SNX1: variants seen among roughly 807,000 people sequenced by gnomAD.
SNX1 encodes sorting nexin 1.
SNX1 carries 36 observed loss-of-function variants against 71.8 expected under a neutral mutation model. The ratio of observed to expected loss-of-function variants is 0.50; its 90% CI spans 0.38 to 0.66. The LOEUF is 0.66. SNX1 is among the 30% of genes least tolerant of loss of function. SNX1 has a pLI of 0.00. For synonymous variants in SNX1, 254 were observed against 240.7 expected (o/e 1.06, Z -0.51); for missense variants, 612 against 646.7 (o/e 0.95, Z 0.58).
intron 1 of SNX1, among the ~76,000 whole-genome samples, chr15:64,110,928 C>T (rs2081071942): frequency 6.6e-6 from 1 of 152,196 alleles, no homozygotes; most frequent in South Asian, 2.1e-4. Context: ...ATGGGTCCTT[C>T]TAGGCATTTT....
In SNX1 at chr15:64,138,896, G is replaced by A. The variant is rs1446899830; in HGVS notation, c.*1278G>A. On this transcript the variant is annotated 3_prime_UTR_variant, in exon 15 of 15. Transcript: ENST00000559844. ...ATCCCAAAGACGCTCCTGCCACTGGGGCCCCAGGTCCTGCTGTATCAGTTC... is the reference window on the plus strand; with the variant it reads ...ATCCCAAAGACGCTCCTGCCACTGGAGCCCCAGGTCCTGCTGTATCAGTTC... 1 of 152,254 alleles carries A rather than the reference G, an allele frequency of 6.6e-6. No individual in the cohort carries two copies. Among genetic ancestry groups the A allele is most frequent in the Non-Finnish European group, 1.5e-5 (1 of 68,106 alleles). 9.4% of individuals were successfully genotyped at this position (152,254 alleles called of 1,614,324 possible).
chr15:64,136,413 G>T lies in SNX1; in HGVS notation c.1446+3G>T. On this transcript the variant is annotated splice_donor_region_variant and intron_variant, in intron 13 of 14. Transcript: ENST00000559844. The stretch of plus-strand genomic sequence containing the variant: ...GAAAAGAAGTGATACGGTTTGAGGT[G>T]AGATAGAAAATCCTACTTCTCACTT... 1 of 1,612,954 alleles carries T rather than the reference G, an allele frequency of 6.2e-7. No homozygotes were observed. Among genetic ancestry groups the T allele is most frequent in the South Asian group, 1.1e-5 (1 of 91,044 alleles).
At chr15:64,111,410 A>T (rs1386621137) in intron 1 of SNX1, 2 of 152,230 alleles carry the variant, frequency 1.3e-5, no homozygotes, top group Non-Finnish European at 2.9e-5. Context: ...TATAAGTCTA[A>T]ATATTGGTAT....
In SNX1 at chr15:64,136,881, C is replaced by T; in HGVS notation, c.1467C>T (p.Phe489=). 1 of 1,613,952 alleles carries T rather than the reference C, an allele frequency of 6.2e-7. No individual in the cohort carries two copies. Residue 489 remains phenylalanine, a synonymous_variant, in exon 14 of 15, where the codon TTC becomes TTT. Transcript: ENST00000559844. ...CCTAGAAAGAGAAATCCAAGGACTT[C>T]AAGAACCACGTGATCAAGTACCTTG... The part of the protein sequence containing the change: ...IRFEKEKSKD[F]KNHVIKYLET...
At chr15:64,123,613 T>G in intron 5 of SNX1, 67 bp downstream of exon 5, 1 of 1,278,218 alleles carries the variant, frequency 7.8e-7, no homozygotes, top group Non-Finnish European at 1.1e-6. Context: ...AGGTCATCAT[T>G]CAGATTATTT....
intron 4 of SNX1, among the ~76,000 whole-genome samples, chr15:64,121,816 A>G (rs1383706402): frequency 6.6e-6 from 1 of 152,194 alleles, no homozygotes; most frequent in African/African-American, 2.4e-5. Context: ...TTTCATATTC[A>G]AGGCCTGATC....
chr15:64,132,677 G>A (rs1471974987), intron 11 of SNX1, among the ~76,000 whole-genome samples: 1 of 152,194 alleles, frequency 6.6e-6, no homozygotes, highest in African/African-American at 2.4e-5. Context: ...GGATCAGGAT[G>A]TGTGAGCCTC....
intron 6 of SNX1, 77 bp downstream of exon 6, chr15:64,126,297 A>G: frequency 2.1e-6 from 3 of 1,410,556 alleles, no homozygotes; most frequent in Non-Finnish European, 2.9e-6. Flanking sequence ...TGTTCAGTAT[A>G]TGAGACTACT....
At chr15:64,117,958 C>T (rs1175442309) in intron 2 of SNX1, among the ~76,000 whole-genome samples, 159 bp from the exon 3 acceptor site, 1 of 152,198 alleles carries the variant, frequency 6.6e-6, no homozygotes, top group Non-Finnish European at 1.5e-5. Flanking sequence ...CCTTACCTTC[C>T]TCCCCTTTTC....
chr15:64,123,423 A>G lies in SNX1; in HGVS notation c.467-80A>G, dbSNP rs577484636. 38 of 1,243,216 alleles carry G rather than the reference A, an allele frequency of 3.1e-5. 1 individual carries two copies. The South Asian group carries it at 3.7e-4, about 12-fold the overall frequency. 77.0% of individuals were successfully genotyped at this position (1,243,216 alleles called of 1,614,324 possible). Reference sequence around the variant, plus strand: ...CTTATCCAGGGTTCCTATGGCTTTTATGATTCCTGGTCAAATGTTAGCTGG... The same window carrying G: ...CTTATCCAGGGTTCCTATGGCTTTTGTGATTCCTGGTCAAATGTTAGCTGG... On this transcript the variant is annotated intron_variant, in intron 4 of 14. Coordinates refer to ENST00000559844, the MANE Select transcript of SNX1 (RefSeq NM_003099.5).
chr15:64,136,561 C>T, intron 13 of SNX1, 151 bp downstream of exon 13: 2 of 704,374 alleles, frequency 2.8e-6, no homozygotes, highest in Non-Finnish European at 2.5e-6. Context: ...GGGGTGTGTG[C>T]TTGATCCTAG....
intron 2 of SNX1, among the ~76,000 whole-genome samples, chr15:64,113,337 GC>G: frequency 6.6e-6 from 1 of 152,126 alleles, no homozygotes; most frequent in East Asian, 1.9e-4. Flanking sequence ...GGGTGCTTTT[GC>G]CCCCCAGAAG....
At chr15:64,131,417 C>T (rs2081305271) in intron 10 of SNX1, among the ~76,000 whole-genome samples, 1 of 152,134 alleles carries the variant, frequency 6.6e-6, no homozygotes, top group Admixed American at 6.5e-5. Flanking sequence ...CTTTGGTTCT[C>T]CAGGGATATT....
At position 64,136,928 on chromosome 15, in the gene SNX1, A is replaced by G; in HGVS notation, c.1514A>G (p.Gln505Arg). 1 of 1,613,560 alleles carries G rather than the reference A, an allele frequency of 6.2e-7. No individual in the cohort carries two copies. Among genetic ancestry groups the G allele is most frequent in the Non-Finnish European group, 8.5e-7 (1 of 1,179,490 alleles). ...KYLETLLYSQ[Q>R]QLAKYWEAFL... ...CTTGAGACACTCCTTTACTCACAGCAGCAGGTATGTAAGTTGTGTGTGACC... is the reference window on the plus strand; with the variant it reads ...CTTGAGACACTCCTTTACTCACAGCGGCAGGTATGTAAGTTGTGTGTGACC... The change falls in exon 14 of 15, where the codon CAG (glutamine) becomes CGG (arginine). Residue 505 changes from glutamine (Q) to arginine (R), a missense_variant. Transcript: ENST00000559844.
intron 1 of SNX1, among the ~76,000 whole-genome samples, chr15:64,103,107 C>G (rs1470996157): frequency 1.3e-5 from 2 of 152,098 alleles, no homozygotes; most frequent in African/African-American, 4.8e-5. Flanking sequence ...TTCATGGACA[C>G]TTAGGTTGAT....
chr15:64,112,987 C>T (rs1179284579), intron 2 of SNX1, among the ~76,000 whole-genome samples: 1 of 152,096 alleles, frequency 6.6e-6, no homozygotes, highest in African/African-American at 2.4e-5. Flanking sequence ...GAGTGTGAGA[C>T]CAGTGACTAA....
chr15:64,100,842 G>A (rs965597107), intron 1 of SNX1, among the ~76,000 whole-genome samples: 1 of 152,186 alleles, frequency 6.6e-6, no homozygotes, highest in African/African-American at 2.4e-5. Context: ...GTTTCTGTCT[G>A]TCTCCCAGGC....
At chr15:64,136,269 G>T in intron 12 of SNX1, 61 bp from the exon 13 acceptor site, 2 of 1,348,248 alleles carry the variant, frequency 1.5e-6, no homozygotes, top group Non-Finnish European at 2.1e-6. Context: ...CTGTCCAAAT[G>T]TGAAGGCTTA....
At chr15:64,112,535 A>T (rs370285949) in intron 1 of SNX1, 38 bp from the exon 2 acceptor site, 1 of 1,442,324 alleles carries the variant, frequency 6.9e-7, no homozygotes, top group Non-Finnish European at 9.6e-7. Flanking sequence ...TTTGTTTTTC[A>T]TGGTAATGTT....
Sources: gnomAD v4.1 joint callset for allele counts (sites outside exome capture counted in the v4.1 genomes callset) on GRCh38, gnomAD v4.1.1 for gene constraint, MANE v1.5 for transcripts, NCBI Gene and HGNC (gene_info 2026-07-23, HGNC 2026-07-21) for gene names.